Variants in OR1L8 observed in about 807,000 individuals in gnomAD.
The protein encoded by OR1L8 is olfactory receptor 1L8.
For missense variants in OR1L8, 330 were observed against 377.4 expected, an observed-to-expected ratio of 0.87 and a Z score of 1.04; for synonymous variants, 148 against 147.0, an observed-to-expected ratio of 1.01 and a Z score of -0.05.
intron 2 of OR1L8, among the ~76,000 whole-genome samples, chr9:122,577,700 A>ATAAC (rs570590331): frequency 1.2e-3 from 182 of 152,370 alleles, no homozygotes; most frequent in Admixed American, 2.0e-3. Context: ...AAGTATCACA[A>ATAAC]TAACTCTGTA....
chr9:122,565,553 G>A (rs1282141099), downstream of OR1L8, among the ~76,000 whole-genome samples: 1 of 152,192 alleles, frequency 6.6e-6, no homozygotes, highest in Non-Finnish European at 1.5e-5. Context: ...CAGCAGCAGA[G>A]ACCAACGCTG....
chr9:122,565,295 A>G (rs1249742846), downstream of OR1L8, among the ~76,000 whole-genome samples: 4 of 152,222 alleles, frequency 2.6e-5, no homozygotes, highest in Non-Finnish European at 5.9e-5. Flanking sequence ...ATATGAAGAT[A>G]TCTGTGTCCC....
At chr9:122,575,984 A>G (rs1829647476) in intron 3 of OR1L8, among the ~76,000 whole-genome samples, 1 of 152,062 alleles carries the variant, frequency 6.6e-6, no homozygotes, top group Non-Finnish European at 1.5e-5. Context: ...AGAGTGTGCA[A>G]TATTTTTATT....
intron 1 of OR1L8, among the ~76,000 whole-genome samples, chr9:122,579,725 A>G (rs997820106): frequency 4.6e-5 from 7 of 152,174 alleles, no homozygotes; most frequent in African/African-American, 1.7e-4. Flanking sequence ...ACATTTTATT[A>G]TCTGTTGTAT....
At chr9:122,562,174 C>A (rs755667064), downstream of OR1L8, among the ~76,000 whole-genome samples, 3 of 152,230 alleles carry the variant, frequency 2.0e-5, no homozygotes, top group Non-Finnish European at 4.4e-5. Context: ...CACCAAGTCT[C>A]CCTGGCTCGG....
In OR1L8 at chr9:122,568,387, G is replaced by A. The variant is rs147109810; in HGVS notation, c.91C>T (p.Leu31Phe). ...RPEDQKTLFV[L>F]FLIVYLVTIT... is the part of the protein sequence containing the mutation. Reference sequence around the variant, plus strand: ...GTGACCAGGTACACGATGAGGAAGAGAACAAAGAGTGTCTTTTGGTCCTCA... The same window carrying A: ...GTGACCAGGTACACGATGAGGAAGAAAACAAAGAGTGTCTTTTGGTCCTCA... The change falls in exon 5 of 5, where the codon CTC (leucine) becomes TTC (phenylalanine). Residue 31 changes from leucine to phenylalanine, a missense_variant. By Grantham distance (22) the Leu-to-Phe change is conservative (BLOSUM62 0). Transcript: ENST00000641027. The A allele has an allele frequency of 2.2e-5, 36 of 1,613,618 alleles. No homozygotes were observed. In the African/African-American group the frequency reaches 4.4e-4, roughly 20 times the overall value.
the OR1L8 span, chr9:122,553,438 T>C: frequency 6.2e-7 from 1 of 1,614,184 alleles, no homozygotes; most frequent in Non-Finnish European, 8.5e-7. Context: ...GATGCCTGTT[T>C]CACTTCTGCC....
intron 1 of OR1L8, among the ~76,000 whole-genome samples, chr9:122,581,607 G>C (rs1829738807): frequency 6.6e-6 from 1 of 152,060 alleles, no homozygotes; most frequent in African/African-American, 2.4e-5. Context: ...GAAATACCAA[G>C]AAAATGTGAA....
chr9:122,568,826 C>T (rs1190318026), intron 4 of OR1L8, 137 bp from the exon 5 acceptor site: 2 of 190,084 alleles, frequency 1.1e-5, no homozygotes, highest in Admixed American at 1.1e-4. Context: ...CAGATTTCTG[C>T]TTATGTGGAG....
chr9:122,548,879 G>T, the OR1L8 span, among the ~76,000 whole-genome samples: 2 of 151,694 alleles, frequency 1.3e-5, no homozygotes, highest in Non-Finnish European at 2.9e-5. Context: ...TCTTCTGTCA[G>T]ATGCATAGTT....
chr9:122,553,186 TGC>T, the OR1L8 span: 2 of 1,606,936 alleles, frequency 1.2e-6, no homozygotes, highest in East Asian at 4.5e-5. Context: ...GGTTTTTATC[TGC>T]GCAGATCACA....
At chr9:122,567,076 T>C (rs1421740130), downstream of OR1L8, 2 of 152,330 alleles carry the variant, frequency 1.3e-5, no homozygotes, top group African/African-American at 4.8e-5. Flanking sequence ...TAAAAAATTA[T>C]AAAAATTCTC....
chr9:122,551,333 A>G, the OR1L8 span, among the ~76,000 whole-genome samples: 5 of 152,180 alleles, frequency 3.3e-5, no homozygotes, highest in Admixed American at 1.3e-4. Flanking sequence ...AGTAGATATA[A>G]GTAGCTTTTT....
intron 2 of OR1L8, among the ~76,000 whole-genome samples, chr9:122,577,121 A>T (rs1273838748): frequency 1.3e-5 from 2 of 152,210 alleles, no homozygotes; most frequent in East Asian, 3.8e-4. Context: ...TGCTTCTAGG[A>T]AATAAATTGA....
the OR1L8 span, among the ~76,000 whole-genome samples, chr9:122,554,485 C>T: frequency 6.6e-6 from 1 of 152,102 alleles, no homozygotes; most frequent in South Asian, 2.1e-4. Context: ...AGCAATTCTA[C>T]CCCAGCAAGG....
the OR1L8 span, among the ~76,000 whole-genome samples, chr9:122,558,240 G>T: frequency 8.2e-6 from 1 of 121,514 alleles, no homozygotes; most frequent in African/African-American, 3.1e-5. Context: ...AATTTTTATT[G>T]TTTTTTTCTT....
chr9:122,582,763 GC>G (rs1294457436), intron 1 of OR1L8, among the ~76,000 whole-genome samples: 2 of 151,878 alleles, frequency 1.3e-5, no homozygotes, highest in Non-Finnish European at 2.9e-5. Context: ...GACATAATGA[GC>G]AAGAGTTAGC....
In OR1L8 at chr9:122,568,346, C is replaced by T; in HGVS notation, c.132G>A (p.Leu44=). ...IVYLVTITGN[L]LIILAIRFNP... Reference sequence around the variant, plus strand: ...TGAAGCGAATGGCCAGGATGATGAGCAGGTTCCCTGTTATGGTGACCAGGT... The same window carrying T: ...TGAAGCGAATGGCCAGGATGATGAGTAGGTTCCCTGTTATGGTGACCAGGT... The change falls in exon 5 of 5, where the codon CTG becomes CTA. Residue 44 remains leucine (L), a synonymous_variant. Transcript: ENST00000641027. 2 of 1,614,072 alleles carry T rather than the reference C, an allele frequency of 1.2e-6. No homozygotes were observed. The highest frequency in any genetic ancestry group is 8.5e-7 in the Non-Finnish European group (1 of 1,179,984).
chr9:122,564,962 G>A (rs932374614), downstream of OR1L8, among the ~76,000 whole-genome samples: 2 of 152,128 alleles, frequency 1.3e-5, no homozygotes, highest in African/African-American at 4.8e-5. Context: ...ATTAGACCTA[G>A]TGAGTCTGAA....
Sources: gnomAD v4.1 joint callset for allele counts (sites outside exome capture counted in the v4.1 genomes callset) on GRCh38, gnomAD v4.1.1 for gene constraint, MANE v1.5 for transcripts, NCBI Gene and HGNC (gene_info 2026-07-23, HGNC 2026-07-21) for gene names.